DIAPH3: variants seen among roughly 807,000 people sequenced by gnomAD.
The protein encoded by DIAPH3 is diaphanous related formin 3, also known as protein diaphanous homolog 3.
Under a neutral mutation model 144.3 loss-of-function variants are expected in DIAPH3, and 117 were observed. The ratio of observed to expected loss-of-function variants is 0.81; its 90% CI spans 0.70 to 0.95. The LOEUF is 0.95. DIAPH3 is among the 40% of genes least tolerant of loss of function. The pLI is 0.00. For missense variants in DIAPH3, 1,421 were observed against 1,412.7 expected (o/e 1.01, Z -0.09); for synonymous variants, 519 against 488.9 (o/e 1.06, Z -0.81).
chr13:59,890,557 C>T (rs2045723372), intron 20 of DIAPH3, among the ~76,000 whole-genome samples: 1 of 151,624 alleles, frequency 6.6e-6, no homozygotes, highest in Non-Finnish European at 1.5e-5. Context: ...ATTTTTACAA[C>T]TTTTTACTAT....
At chr13:59,705,374 G>C (rs1340862706) in intron 27 of DIAPH3, among the ~76,000 whole-genome samples, 25 of 152,156 alleles carry the variant, frequency 1.6e-4, no homozygotes, top group Admixed American at 1.6e-3. Flanking sequence ...AGAACAATCT[G>C]CCAATTTTTC....
At chr13:60,117,795 C>G (rs2058737629) in intron 2 of DIAPH3, among the ~76,000 whole-genome samples, 1 of 151,970 alleles carries the variant, frequency 6.6e-6, no homozygotes, top group Admixed American at 6.6e-5. Context: ...ACAGGAATCC[C>G]CCTAATATTG....
At chr13:59,867,913 A>G (rs1449371700) in intron 21 of DIAPH3, among the ~76,000 whole-genome samples, 2 of 152,160 alleles carry the variant, frequency 1.3e-5, no homozygotes, top group African/African-American at 4.8e-5. Flanking sequence ...TAGAATACAA[A>G]TATATTTTTT....
chr13:60,070,540 A>T (rs2141346607), intron 4 of DIAPH3, among the ~76,000 whole-genome samples: 1 of 152,302 alleles, frequency 6.6e-6, no homozygotes, highest in Middle Eastern at 3.4e-3. Flanking sequence ...GGACATCAAC[A>T]TCCAGAAAGA....
intron 27 of DIAPH3, among the ~76,000 whole-genome samples, chr13:59,748,529 G>T (rs987617952): frequency 6.6e-6 from 1 of 152,100 alleles, no homozygotes; most frequent in Non-Finnish European, 1.5e-5. Context: ...TGATCCATTT[G>T]TTTAAAATTC....
At chr13:59,891,596 A>G (rs1412966338) in intron 20 of DIAPH3, among the ~76,000 whole-genome samples, 1 of 152,052 alleles carries the variant, frequency 6.6e-6, no homozygotes, top group Non-Finnish European at 1.5e-5. Context: ...CGTACTTTGA[A>G]TTAGCCATCA....
At chr13:59,887,136 G>T (rs754310571) in intron 20 of DIAPH3, among the ~76,000 whole-genome samples, 4 of 151,862 alleles carry the variant, frequency 2.6e-5, no homozygotes, top group Non-Finnish European at 5.9e-5. Context: ...GTCTTATTTC[G>T]CATGTATTTA....
chr13:59,702,930 C>G (rs1253210330), intron 27 of DIAPH3, among the ~76,000 whole-genome samples: 1 of 152,200 alleles, frequency 6.6e-6, no homozygotes. Flanking sequence ...TGTCTGTCCT[C>G]AAACACTACC....
At chr13:59,885,073 A>G (rs892903740) in intron 20 of DIAPH3, among the ~76,000 whole-genome samples, 4 of 152,180 alleles carry the variant, frequency 2.6e-5, no homozygotes, top group African/African-American at 9.6e-5. Context: ...ACCTTTGTTT[A>G]TAAATCCTTA....
intron 22 of DIAPH3, among the ~76,000 whole-genome samples, chr13:59,842,383 G>C (rs1593633565): frequency 6.6e-6 from 1 of 152,084 alleles, no homozygotes; most frequent in East Asian, 1.9e-4. Context: ...ATGAGAAAAA[G>C]CACAGGGCAA....
chr13:59,706,206 C>G (rs12019701), intron 27 of DIAPH3, among the ~76,000 whole-genome samples: 1 of 151,974 alleles, frequency 6.6e-6, no homozygotes, highest in Non-Finnish European at 1.5e-5. Flanking sequence ...GGAATAATAA[C>G]AAGAAAAAAA....
At chr13:59,762,306 C>T (rs1313817496) in intron 27 of DIAPH3, among the ~76,000 whole-genome samples, 3 of 151,916 alleles carry the variant, frequency 2.0e-5, no homozygotes, top group Non-Finnish European at 2.9e-5. Flanking sequence ...GTGATCTGCC[C>T]GCCTCAGCCT....
In DIAPH3 at chr13:60,158,975, T is replaced by C. The variant is rs535869936; in HGVS notation, c.180+4612A>G. 5.4e-5 allele frequency among the ~76,000 whole-genome samples: 8 copies of C among 147,266 alleles called. No individual in the cohort carries two copies. In the South Asian group the frequency reaches 8.8e-4, roughly 16 times the overall value. On this transcript the variant is annotated intron_variant, in intron 1 of 27. Transcript: ENST00000400324. ...TCATTTTTTGCCATATAAGGTAACATTCACAGGTTCCAGGGATTAAGGAGT... is the reference window on the plus strand; with the variant it reads ...TCATTTTTTGCCATATAAGGTAACACTCACAGGTTCCAGGGATTAAGGAGT...
intron 21 of DIAPH3, among the ~76,000 whole-genome samples, chr13:59,873,199 G>A (rs910121574): frequency 3.3e-5 from 5 of 152,096 alleles, no homozygotes; most frequent in African/African-American, 1.2e-4. Flanking sequence ...CAAGTCTTTG[G>A]CCCATAACTG....
rs2048034799 is a variant in DIAPH3, at chr13:59,931,852, T to C, written c.2075-6982A>G. Among the ~76,000 whole-genome samples the C allele has an allele frequency of 1.3e-5, 2 of 152,212 alleles. 1 individual carries two copies. The highest frequency in any genetic ancestry group is 4.8e-5 in the African/African-American group (2 of 41,448). The stretch of plus-strand genomic sequence containing the variant: ...ACATGTTCAGTTACAGAAGCTCTTG[T>C]ATATCCACATTAGTCATGTACAAGA... On this transcript the variant is annotated intron_variant, in intron 17 of 27. Coordinates refer to ENST00000400324, the MANE Select transcript of DIAPH3 (RefSeq NM_001042517.2).
chr13:60,118,947 T>C (rs553478865), intron 2 of DIAPH3, among the ~76,000 whole-genome samples: 4 of 152,342 alleles, frequency 2.6e-5, no homozygotes, highest in African/African-American at 9.6e-5. Context: ...TTCACATGAC[T>C]TACGAAAATC....
intron 1 of DIAPH3, among the ~76,000 whole-genome samples, chr13:60,145,986 A>C (rs1230903548): frequency 1.3e-5 from 2 of 152,186 alleles, no homozygotes; most frequent in African/African-American, 4.8e-5. Flanking sequence ...TTATTGATAA[A>C]GTTTGAACTT....
chr13:60,096,013 A>T (rs183681524), intron 3 of DIAPH3, among the ~76,000 whole-genome samples: 163 of 152,344 alleles, frequency 1.1e-3, no homozygotes, highest in Admixed American at 8.4e-3. Context: ...TACCTTCTTG[A>T]GTAGTCATGG....
chr13:60,126,730 A>G (rs1196576306), intron 2 of DIAPH3, among the ~76,000 whole-genome samples: 1 of 152,198 alleles, frequency 6.6e-6, no homozygotes, highest in African/African-American at 2.4e-5. Context: ...CTAAATTACA[A>G]ATCAGACACA....
Sources: gnomAD v4.1 joint callset for allele counts (sites outside exome capture counted in the v4.1 genomes callset) on GRCh38, gnomAD v4.1.1 for gene constraint, MANE v1.5 for transcripts, NCBI Gene and HGNC (gene_info 2026-07-23, HGNC 2026-07-21) for gene names.